The following NETO1 variants were observed in gnomAD, a reference collection of about 807,000 sequenced individuals.
NETO1 encodes neuropilin and tolloid-like protein 1.
A neutral mutation model predicts 61.3 loss-of-function variants in NETO1; 26 were observed. That is an observed-to-expected ratio of 0.42 (90% confidence interval 0.31 to 0.59). The LOEUF (loss-of-function observed/expected upper bound fraction) is 0.59. Ranked by LOEUF, NETO1 falls within the 20% of genes least tolerant of loss-of-function variation. NETO1 has a pLI of 0.12. For missense variants in NETO1, 531 were observed against 662.8 expected (o/e 0.80, Z 2.18); for synonymous variants, 225 against 225.8 (o/e 1.00, Z 0.03).
Position 72,830,852 on chromosome 18 carries a change from G to T in NETO1, c.469+27974C>A, listed in dbSNP as rs1249992808. 6.6e-6 allele frequency among the ~76,000 whole-genome samples: 1 copy of T among 151,974 alleles called. No homozygotes were observed. Among genetic ancestry groups the T allele is most frequent in the African/African-American group, 2.4e-5 (1 of 41,366 alleles). ...TATGCTACACTTATGGGTTCCAGTT[G>T]TTCACTTTTTATCCCCTATTTTCTT... On this transcript the variant is annotated intron_variant, in intron 4 of 10. Transcript: ENST00000327305. This position sits in a 1 kb window ranked among gnomAD's most constrained non-coding sequence, Gnocchi z 4.9.
At chr18:72,823,820 G>A (rs1039640722) in intron 4 of NETO1, among the ~76,000 whole-genome samples, 1 of 152,136 alleles carries the variant, frequency 6.6e-6, no homozygotes, top group Admixed American at 6.5e-5. Context: ...CTGCCTTCTT[G>A]CCACAAAGAT....
At chr18:72,769,472 C>T (rs1319561813) in intron 7 of NETO1, among the ~76,000 whole-genome samples, 3 of 152,102 alleles carry the variant, frequency 2.0e-5, no homozygotes, top group Admixed American at 6.6e-5. Flanking sequence ...TCAATTAACC[C>T]AACATAGAAA....
chr18:72,859,435 G>T (rs892591492), intron 3 of NETO1, among the ~76,000 whole-genome samples: 1 of 152,098 alleles, frequency 6.6e-6, no homozygotes, highest in Non-Finnish European at 1.5e-5. Flanking sequence ...GGAATACTCA[G>T]GTTTAAGGTA....
intron 3 of NETO1, 67 bp from the exon 4 acceptor site, chr18:72,859,141 C>A (rs1326586514): frequency 7.7e-6 from 11 of 1,433,776 alleles, no homozygotes; most frequent in Non-Finnish European, 9.4e-6. Flanking sequence ...TTTTCTGATT[C>A]TATTTCAGAT....
chr18:72,769,602 T>C (rs2071279132), intron 7 of NETO1, among the ~76,000 whole-genome samples: 1 of 152,112 alleles, frequency 6.6e-6, no homozygotes, highest in African/African-American at 2.4e-5. Context: ...AATTAGAAAA[T>C]ACAGGCAAAA....
chr18:72,826,787 G>A (rs2073388005), intron 4 of NETO1, among the ~76,000 whole-genome samples: 1 of 152,142 alleles, frequency 6.6e-6, no homozygotes. Context: ...TGTCTGACAG[G>A]AATAGAATCT....
At chr18:72,812,020 T>C (rs1028249883) in intron 4 of NETO1, among the ~76,000 whole-genome samples, 1 of 152,206 alleles carries the variant, frequency 6.6e-6, no homozygotes, top group African/African-American at 2.4e-5. Flanking sequence ...GTTCCCACAG[T>C]GACTGCAGCC....
intron 1 of NETO1, among the ~76,000 whole-genome samples, chr18:72,866,349 T>C (rs2074731759): frequency 6.6e-6 from 1 of 152,188 alleles, no homozygotes; most frequent in Non-Finnish European, 1.5e-5. Context: ...CAATTGTGTG[T>C]TACTTTATGC....
chr18:72,852,457 C>T (rs1448955042), intron 4 of NETO1, among the ~76,000 whole-genome samples: 5 of 152,196 alleles, frequency 3.3e-5, no homozygotes, highest in South Asian at 2.1e-4. Context: ...CCTCGTGATC[C>T]GCCGGCTTCA....
At chr18:72,798,127 C>G (rs970596003) in intron 4 of NETO1, among the ~76,000 whole-genome samples, 5 of 152,218 alleles carry the variant, frequency 3.3e-5, no homozygotes, top group African/African-American at 1.2e-4. Context: ...GTGGGCCACA[C>G]AGCAGGAGAT....
At position 72,803,295 on chromosome 18, in the gene NETO1, A is replaced by G. The variant is rs149670310; in HGVS notation, c.470-8891T>C. ...GTGTCAACATTTAGCAGTTCTGCATAATAGTAATCCAATAACTGCCAAATA... is the reference window on the plus strand; with the variant it reads ...GTGTCAACATTTAGCAGTTCTGCATGATAGTAATCCAATAACTGCCAAATA... On this transcript the variant is annotated intron_variant, in intron 4 of 10. Transcript: ENST00000327305. Among the ~76,000 whole-genome samples, 62 of 152,344 alleles carry G rather than the reference A, an allele frequency of 4.1e-4. No homozygotes were observed. In the East Asian group the frequency reaches 9.8e-3, roughly 24 times the overall value.
chr18:72,785,132 A>G (rs975714213), intron 6 of NETO1, among the ~76,000 whole-genome samples: 1 of 152,196 alleles, frequency 6.6e-6, no homozygotes, highest in Non-Finnish European at 1.5e-5. Flanking sequence ...ATTTCTCTTA[A>G]TTTAACATGG....
chr18:72,813,180 A>G (rs924124765), intron 4 of NETO1, among the ~76,000 whole-genome samples: 2 of 152,172 alleles, frequency 1.3e-5, no homozygotes, highest in South Asian at 2.1e-4. Context: ...AGGAGTGACA[A>G]TGTGCGAGAG....
At position 72,777,106 on chromosome 18, in the gene NETO1, A is replaced by C. The variant is rs113780785; in HGVS notation, c.868+6572T>G. Among the ~76,000 whole-genome samples the C allele has an allele frequency of 9.4e-3, 1,425 of 152,300 alleles. 17 individuals carry two copies. Among genetic ancestry groups the C allele is most frequent in the African/African-American group, 0.032 (1,344 of 41,566 alleles). On this transcript the variant is annotated intron_variant, in intron 7 of 10. Transcript: ENST00000327305. ...GAAGCAGCAGGTCCCCAGCAAGCCC[A>C]AAACCTTGAGGCTCAAGAATCATTT...
intron 4 of NETO1, among the ~76,000 whole-genome samples, chr18:72,846,504 C>CAAAAAAAA (rs35252443): frequency 0.032 from 414 of 13,006 alleles, 110 homozygotes; most frequent in Admixed American, 0.051. Context: ...GACTTCATCT[C>CAAAAAAAA]AAAAAAAAAA....
At chr18:72,837,856 A>G (rs915028356) in intron 4 of NETO1, among the ~76,000 whole-genome samples, 3 of 152,226 alleles carry the variant, frequency 2.0e-5, no homozygotes, top group Admixed American at 1.3e-4. Flanking sequence ...GCTGCGTAAG[A>G]GCCAACAGCC....
intron 7 of NETO1, among the ~76,000 whole-genome samples, chr18:72,757,180 G>A (rs548388211): frequency 1.3e-5 from 2 of 152,100 alleles, no homozygotes; most frequent in African/African-American, 2.4e-5. Context: ...AATTTCCAAT[G>A]ATTGACAAAT....
chr18:72,788,650 T>A (rs2072004125), intron 6 of NETO1, among the ~76,000 whole-genome samples: 1 of 152,164 alleles, frequency 6.6e-6, no homozygotes, highest in African/African-American at 2.4e-5. Context: ...TGATGCATTC[T>A]TTTTAATCAA....
intron 4 of NETO1, chr18:72,834,217 A>G: frequency 1.6e-6 from 1 of 630,636 alleles, no homozygotes; most frequent in Non-Finnish European, 2.0e-6. Flanking sequence ...ACTGTAAAAT[A>G]CGTATTAATT....
Sources: allele counts gnomAD v4.1 joint callset (sites outside exome capture counted in the v4.1 genomes callset), GRCh38; gene constraint gnomAD v4.1.1; non-coding constraint Gnocchi (gnomAD v3.1); transcripts MANE v1.5; gene names NCBI Gene and HGNC (gene_info 2026-07-23, HGNC 2026-07-21).